Variants in FOXP1 observed in about 807,000 individuals in gnomAD.
FOXP1 encodes the protein forkhead box protein P1.
FOXP1 carries 15 observed loss-of-function variants against 98.2 expected under a neutral mutation model. The observed-to-expected ratio is 0.15, with a 90% confidence interval of 0.10 to 0.24. FOXP1 has a LOEUF of 0.24. Ranked by LOEUF, FOXP1 falls within the 10% of genes least tolerant of loss-of-function variation. The pLI is 1.00. For synonymous variants in FOXP1, 371 were observed against 314.5 expected (o/e 1.18, Z -1.90); for missense variants, 633 against 848.5 (o/e 0.75, Z 3.15).
intron 5 of FOXP1, chr3:71,245,004 A>C (rs2067613292): frequency 6.6e-6 from 1 of 152,196 alleles, no homozygotes; most frequent in South Asian, 2.1e-4. Flanking sequence ...GCAGTGGCTT[A>C]CATTTCCAAA....
At chr3:71,237,943 C>T (rs1320518605) in intron 5 of FOXP1, among the ~76,000 whole-genome samples, 1 of 152,184 alleles carries the variant, frequency 6.6e-6, no homozygotes, top group Non-Finnish European at 1.5e-5. Flanking sequence ...GAGAAGGTGG[C>T]TCCCTGCCAG....
intron 2 of FOXP1, among the ~76,000 whole-genome samples, chr3:71,565,088 G>T: frequency 6.6e-6 from 1 of 152,196 alleles, no homozygotes; most frequent in East Asian, 1.9e-4. Flanking sequence ...GACAGAGCAA[G>T]ACTTTGTCTC....
At chr3:71,085,734 C>CTTTTTTTTTTTTTTTTTTTT (rs1442095039) in intron 7 of FOXP1, among the ~76,000 whole-genome samples, 1 of 3,136 alleles carries the variant, frequency 3.2e-4, no homozygotes, top group Non-Finnish European at 9.2e-4. Context: ...TCATTTATGG[C>CTTTTTTTTTTTTTTTTTTTT]CTTTTTTTTT....
At chr3:71,435,124 G>T (rs1469717988) in intron 3 of FOXP1, among the ~76,000 whole-genome samples, 1 of 148,062 alleles carries the variant, frequency 6.8e-6, no homozygotes, top group Non-Finnish European at 1.5e-5. Flanking sequence ...AGACAAAAGG[G>T]AAGGTGGACG....
intron 6 of FOXP1, among the ~76,000 whole-genome samples, chr3:71,162,721 C>A (rs1344646433): frequency 3.3e-5 from 5 of 152,268 alleles, no homozygotes; most frequent in Admixed American, 6.5e-5. Flanking sequence ...GGAAAAAGAA[C>A]CCAAAAAGCT....
At chr3:71,498,945 G>A (rs1448443196) in intron 2 of FOXP1, among the ~76,000 whole-genome samples, 1 of 152,160 alleles carries the variant, frequency 6.6e-6, no homozygotes, top group African/African-American at 2.4e-5. Flanking sequence ...ATCTAGGAAG[G>A]AGTTCATTTC....
intron 6 of FOXP1, among the ~76,000 whole-genome samples, chr3:71,117,514 T>A (rs1475724299): frequency 6.6e-6 from 1 of 152,118 alleles, no homozygotes; most frequent in Non-Finnish European, 1.5e-5. Context: ...ATTCTCTGGA[T>A]ACAGAATGCG....
intron 3 of FOXP1, among the ~76,000 whole-genome samples, chr3:71,385,574 G>C (rs1049348514): frequency 2.6e-5 from 4 of 152,182 alleles, no homozygotes; most frequent in African/African-American, 9.7e-5. Flanking sequence ...GTGAGCATAA[G>C]AGAACAGCGC....
At chr3:71,527,027 G>A (rs1349089550) in intron 2 of FOXP1, among the ~76,000 whole-genome samples, 1 of 151,026 alleles carries the variant, frequency 6.6e-6, no homozygotes, top group African/African-American at 2.4e-5. Flanking sequence ...GGCTTGGTGA[G>A]CAGAGGGCAC....
intron 3 of FOXP1, among the ~76,000 whole-genome samples, chr3:71,406,051 C>T (rs1045454747): frequency 6.6e-6 from 1 of 152,018 alleles, no homozygotes; most frequent in African/African-American, 2.4e-5. Flanking sequence ...CTTTTTAAAG[C>T]TTTTCACTCC....
chr3:71,323,720 G>A (rs568600586), intron 4 of FOXP1, among the ~76,000 whole-genome samples: 49 of 152,296 alleles, frequency 3.2e-4, no homozygotes, highest in Non-Finnish European at 6.2e-4. Context: ...GTTTTCACGA[G>A]TACTTATGCA....
At chr3:71,287,851 A>C (rs1169888016) in intron 5 of FOXP1, among the ~76,000 whole-genome samples, 1 of 152,148 alleles carries the variant, frequency 6.6e-6, no homozygotes, top group African/African-American at 2.4e-5. Context: ...AAATAAGGTT[A>C]CCAATGAAAT....
At position 70,967,687 on chromosome 3, in the gene FOXP1, G is replaced by GTTTTTTTTTTTTTTT. The variant is rs67711426; in HGVS notation, c.1723-1632_1723-1631insAAAAAAAAAAAAAAA. The stretch of plus-strand genomic sequence containing the variant: ...GCAGTTGCCAGAACTACTATTATTT[G>GTTTTTTTTTTTTTTT]TTTTTTTTTTTTGTTTTTTTTTGTT... On this transcript the variant is annotated intron_variant, in intron 19 of 20. Transcript: ENST00000649528. Among the ~76,000 whole-genome samples, 29 of 61,318 alleles carry GTTTTTTTTTTTTTTT rather than the reference G, an allele frequency of 4.7e-4. 1 individual carries two copies. Among genetic ancestry groups the GTTTTTTTTTTTTTTT allele is most frequent in the Non-Finnish European group, 6.5e-4 (20 of 30,582 alleles). The allele number at this position is 61,318 out of a possible 152,430, so 40.2% of individuals were successfully genotyped here.
At chr3:71,498,828 C>T (rs1002630228) in intron 2 of FOXP1, among the ~76,000 whole-genome samples, 2 of 152,136 alleles carry the variant, frequency 1.3e-5, no homozygotes, top group African/African-American at 4.8e-5. Flanking sequence ...CAAGACGGGG[C>T]CTGAGAATTT....
intron 6 of FOXP1, among the ~76,000 whole-genome samples, chr3:71,120,155 T>C (rs542132681): frequency 1.3e-5 from 2 of 152,338 alleles, no homozygotes; most frequent in South Asian, 4.1e-4. Context: ...GTAATGACCA[T>C]TCACAGACAG....
At chr3:71,255,311 T>C (rs113107725) in intron 5 of FOXP1, among the ~76,000 whole-genome samples, 92 of 152,260 alleles carry the variant, frequency 6.0e-4, no homozygotes, top group African/African-American at 1.6e-3. Flanking sequence ...ATGTGCAACA[T>C]AGAAGTAAAT....
At chr3:71,196,142 C>T (rs1021671382) in intron 6 of FOXP1, among the ~76,000 whole-genome samples, 5 of 152,174 alleles carry the variant, frequency 3.3e-5, no homozygotes, top group African/African-American at 7.2e-5. Context: ...CAACGACATA[C>T]GGAGAAAAAA....
chr3:71,293,546 C>A (rs1271451744), intron 5 of FOXP1, among the ~76,000 whole-genome samples: 1 of 151,774 alleles, frequency 6.6e-6, no homozygotes, highest in Admixed American at 6.6e-5. Context: ...GTTCACTGTG[C>A]AAAATATGGT....
At chr3:71,337,916 T>C (rs1306700792) in intron 4 of FOXP1, among the ~76,000 whole-genome samples, 1 of 152,184 alleles carries the variant, frequency 6.6e-6, no homozygotes, top group Non-Finnish European at 1.5e-5. Context: ...ACTCAAGATA[T>C]GTACCTCCGT....
Sources: allele counts gnomAD v4.1 joint callset (sites outside exome capture counted in the v4.1 genomes callset), GRCh38; gene constraint gnomAD v4.1.1; transcripts MANE v1.5; gene names NCBI Gene and HGNC (gene_info 2026-07-23, HGNC 2026-07-21).